Variants in CTNNA3 observed in about 807,000 individuals in gnomAD.
CTNNA3 encodes catenin alpha-3.
Under a neutral mutation model 95.7 loss-of-function variants are expected in CTNNA3, and 76 were observed. The observed-to-expected ratio is 0.79, with a 90% CI of 0.66 to 0.96. CTNNA3 has a LOEUF of 0.96. Ranked by LOEUF, CTNNA3 falls within the 40% of genes least tolerant of loss-of-function variation. CTNNA3 has a pLI of 0.00. For synonymous variants in CTNNA3, 431 were observed against 374.4 expected (o/e 1.15, Z -1.74); for missense variants, 1,191 against 1,089.8 (o/e 1.09, Z -1.31).
chr10:67,051,612 C>T (rs567369080), intron 7 of CTNNA3, among the ~76,000 whole-genome samples: 1 of 151,880 alleles, frequency 6.6e-6, no homozygotes, highest in Admixed American at 6.6e-5. Flanking sequence ...GACCTCATGA[C>T]CTGAGATGGT....
At chr10:66,998,941 T>C (rs1851525165) in intron 7 of CTNNA3, among the ~76,000 whole-genome samples, 1 of 152,078 alleles carries the variant, frequency 6.6e-6, no homozygotes, top group African/African-American at 2.4e-5. Flanking sequence ...AAACTGAACA[T>C]ATACATAAAG....
chr10:65,941,584 C>A (rs74140878), intron 17 of CTNNA3, among the ~76,000 whole-genome samples: 3,995 of 152,234 alleles, frequency 0.026, 160 homozygotes, highest in African/African-American at 0.091. Context: ...AAGACCTGTA[C>A]TAGGGGTTTG....
chr10:66,640,062 A>G (rs556514548), intron 9 of CTNNA3, among the ~76,000 whole-genome samples: 1 of 152,310 alleles, frequency 6.6e-6, no homozygotes, highest in Admixed American at 6.5e-5. Flanking sequence ...GTGCTTAATT[A>G]AAAGTTTTGG....
chr10:67,180,116 G>C (rs1252695460), intron 7 of CTNNA3, among the ~76,000 whole-genome samples: 6 of 152,070 alleles, frequency 3.9e-5, no homozygotes, highest in African/African-American at 1.4e-4. Context: ...ATACCCTTCT[G>C]GTTCTGATCT....
At chr10:66,023,265 A>C (rs1169447640) in intron 15 of CTNNA3, among the ~76,000 whole-genome samples, 2 of 152,216 alleles carry the variant, frequency 1.3e-5, no homozygotes, top group East Asian at 3.9e-4. Flanking sequence ...GTGGAATTGC[A>C]ATGTTTACTT....
At chr10:66,814,813 A>AAATATTTG (rs1842012151) in intron 7 of CTNNA3, among the ~76,000 whole-genome samples, 1 of 152,002 alleles carries the variant, frequency 6.6e-6, no homozygotes, top group Non-Finnish European at 1.5e-5. Flanking sequence ...AATCTGAAGC[A>AAATATTTG]AATATTTGAA....
At chr10:66,342,810 T>C (rs753940343) in intron 12 of CTNNA3, among the ~76,000 whole-genome samples, 1 of 152,254 alleles carries the variant, frequency 6.6e-6, no homozygotes, top group African/African-American at 2.4e-5. Flanking sequence ...ATTTATTCCT[T>C]AATATTCAAT....
chr10:67,428,322 T>C lies in CTNNA3; in HGVS notation c.579+93520A>G, dbSNP rs183014561. On this transcript the variant is annotated intron_variant, in intron 5 of 17. Transcript: ENST00000433211. ...TTACAACATTTTTCTACTATAATAA[T>C]ATACAATAAAAGGAAATTATTTATA... 4.4e-3 allele frequency among the ~76,000 whole-genome samples: 668 copies of C among 152,106 alleles called. 7 individuals carry two copies. Among genetic ancestry groups the C allele is most frequent in the African/African-American group, 0.015 (626 of 41,526 alleles).
At chr10:67,632,422 G>A (rs6480282) in intron 2 of CTNNA3, among the ~76,000 whole-genome samples, 3 of 151,838 alleles carry the variant, frequency 2.0e-5, no homozygotes, top group Admixed American at 1.3e-4. Context: ...AAGCAGCTGC[G>A]GTCTGCGCAC....
intron 7 of CTNNA3, among the ~76,000 whole-genome samples, chr10:67,158,827 T>C (rs998092559): frequency 2.7e-5 from 4 of 150,130 alleles, no homozygotes; most frequent in Non-Finnish European, 5.9e-5. Flanking sequence ...TAAATCACTA[T>C]CAATCTATTA....
chr10:66,849,162 A>T (rs1843387513), intron 7 of CTNNA3, among the ~76,000 whole-genome samples: 1 of 152,178 alleles, frequency 6.6e-6, no homozygotes, highest in South Asian at 2.1e-4. Flanking sequence ...ACCTCATTTA[A>T]GGGGAGAAAA....
intron 9 of CTNNA3, among the ~76,000 whole-genome samples, chr10:66,717,693 C>T (rs915197758): frequency 6.6e-6 from 1 of 152,150 alleles, no homozygotes; most frequent in African/African-American, 2.4e-5. Flanking sequence ...TGGTACTCAT[C>T]CAGCTTTGCC....
At chr10:66,179,287 A>G (rs189080561) in intron 13 of CTNNA3, among the ~76,000 whole-genome samples, 5 of 152,090 alleles carry the variant, frequency 3.3e-5, no homozygotes, top group Admixed American at 3.3e-4. Context: ...ACGTTGAGTG[A>G]AAAAAAGTCA....
chr10:66,052,283 C>T (rs2079974964), intron 15 of CTNNA3, among the ~76,000 whole-genome samples: 1 of 152,048 alleles, frequency 6.6e-6, no homozygotes, highest in Non-Finnish European at 1.5e-5. Flanking sequence ...GGCTAATGAG[C>T]CTGTAACAGC....
chr10:67,698,741 C>G (rs879619409), upstream of CTNNA3, among the ~76,000 whole-genome samples: 6 of 151,846 alleles, frequency 4.0e-5, no homozygotes, highest in Admixed American at 2.6e-4. Context: ...TAATTAAAAC[C>G]ATTTTTTTCA....
intron 1 of CTNNA3, among the ~76,000 whole-genome samples, chr10:67,747,248 C>A (rs1045772896): frequency 1.3e-5 from 2 of 151,856 alleles, no homozygotes; most frequent in African/African-American, 4.9e-5. Context: ...GGTTTCCCCC[C>A]AGTGCAGCAC....
chr10:65,972,891 C>T (rs1014593435), intron 16 of CTNNA3, among the ~76,000 whole-genome samples: 2 of 112,856 alleles, frequency 1.8e-5, no homozygotes, highest in African/African-American at 6.7e-5. Context: ...AATAGACAAG[C>T]AATCCTAAGG....
chr10:66,560,717 G>A (rs1032355214), intron 10 of CTNNA3, among the ~76,000 whole-genome samples: 4 of 151,946 alleles, frequency 2.6e-5, no homozygotes, highest in Non-Finnish European at 4.4e-5. Flanking sequence ...AAATTCATAC[G>A]TTGAAGTCTA....
At chr10:67,441,203 T>G (rs191694605) in intron 5 of CTNNA3, among the ~76,000 whole-genome samples, 1 of 148,294 alleles carries the variant, frequency 6.7e-6, no homozygotes, top group African/African-American at 2.5e-5. Flanking sequence ...AACTGGTCAA[T>G]CAGAAGAAAG....
Sources: allele counts gnomAD v4.1 joint callset (sites outside exome capture counted in the v4.1 genomes callset), GRCh38; gene constraint gnomAD v4.1.1; transcripts MANE v1.5; gene names NCBI Gene and HGNC (gene_info 2026-07-23, HGNC 2026-07-21).